Variants in CDON observed in about 807,000 individuals in gnomAD.
The protein encoded by CDON is cell adhesion associated, oncogene regulated.
A neutral mutation model predicts 120.9 loss-of-function variants in CDON; 73 were observed. That is an observed-to-expected ratio of 0.60 (90% CI 0.50 to 0.73). CDON has a LOEUF of 0.73. Among genes scored for constraint, CDON ranks in the 30% least tolerant of loss-of-function variants. The pLI is 0.00. For synonymous variants in CDON, 566 were observed against 573.5 expected, an observed-to-expected ratio of 0.99 and a Z score of 0.19; for missense variants, 1,470 against 1,587.3, an observed-to-expected ratio of 0.93 and a Z score of 1.26.
At position 125,984,174 on chromosome 11, in the gene CDON, G is replaced by T. The variant is rs1591565555; in HGVS notation, c.2774-81C>A. ...TGGTTTACTCTCTGAAGGAGGTCTG[G>T]TTAGGAATGCAAGCCAGTCTGTTTA... On this transcript the variant is annotated intron_variant, in intron 15 of 19. Coordinates refer to ENST00000531738, the MANE Select transcript of CDON (RefSeq NM_001378964.1). 8 of 973,178 alleles carry T rather than the reference G, an allele frequency of 8.2e-6. No individual in the cohort carries two copies. In the East Asian group the frequency reaches 1.5e-4, roughly 18 times the overall value. The allele number at this position is 973,178 out of a possible 1,614,324, so 60.3% of individuals were successfully genotyped here.
At chr11:126,005,145 C>CA (rs1427635990) in intron 9 of CDON, among the ~76,000 whole-genome samples, 5 of 151,974 alleles carry the variant, frequency 3.3e-5, no homozygotes, top group South Asian at 4.2e-4. Context: ...ACTAAAAATA[C>CA]AAAAAAATTA....
At chr11:125,998,302 G>A (rs902618276) in intron 11 of CDON, among the ~76,000 whole-genome samples, 10 of 152,114 alleles carry the variant, frequency 6.6e-5, no homozygotes, top group African/African-American at 2.4e-4. Context: ...GTTGGAGGTG[G>A]GGCCTGGTGA....
intron 3 of CDON, among the ~76,000 whole-genome samples, chr11:126,020,034 G>A (rs1947589068): frequency 6.6e-6 from 1 of 151,762 alleles, no homozygotes; most frequent in Admixed American, 6.6e-5. Flanking sequence ...CTGGGTAACA[G>A]AGTGAGACCC....
intron 1 of CDON, among the ~76,000 whole-genome samples, chr11:126,036,381 G>C (rs1186453743): frequency 6.6e-6 from 1 of 152,098 alleles, no homozygotes; most frequent in Non-Finnish European, 1.5e-5. Flanking sequence ...AATTTTAAAA[G>C]GACTCCAAAT....
In CDON at chr11:126,055,487, A is replaced by G. The variant is rs573482427; in HGVS notation, c.-62+7092T>C. On this transcript the variant is annotated intron_variant, in intron 1 of 19. Coordinates refer to ENST00000531738, the MANE Select transcript of CDON (RefSeq NM_001378964.1). ...ATATCAGTGATTAACATAAAGTACT[A>G]TATTTACAGATACAAGATGTGTACA... Among the ~76,000 whole-genome samples, 26 of 152,346 alleles carry G rather than the reference A, an allele frequency of 1.7e-4. No individual in the cohort carries two copies. The South Asian group carries it at 4.8e-3, about 28-fold the overall frequency.
chr11:125,987,113 T>C (rs1946490012), intron 15 of CDON, among the ~76,000 whole-genome samples: 1 of 152,244 alleles, frequency 6.6e-6, no homozygotes, highest in African/African-American at 2.4e-5. Flanking sequence ...ACTCTTTCTT[T>C]ATTCTTAATT....
chr11:125,988,502 A>G (rs1946531211), intron 15 of CDON, among the ~76,000 whole-genome samples: 1 of 152,176 alleles, frequency 6.6e-6, no homozygotes, highest in African/African-American at 2.4e-5. Context: ...CAGCCTCCTG[A>G]ACTAACAACG....
intron 18 of CDON, among the ~76,000 whole-genome samples, chr11:125,969,384 T>A (rs1418804964): frequency 6.6e-6 from 1 of 152,228 alleles, no homozygotes; most frequent in Non-Finnish European, 1.5e-5. Context: ...TGTACATATG[T>A]AAACTTAAGA....
chr11:125,971,382 C>CTAAATAAATAAATAAA (rs374833815), intron 18 of CDON, among the ~76,000 whole-genome samples: 6,836 of 103,114 alleles, frequency 0.066, 204 homozygotes, highest in Non-Finnish European at 0.09. Flanking sequence ...GACTCTGTCT[C>CTAAATAAATAAATAAA]TAAATAAATA....
intron 19 of CDON, 133 bp from the exon 20 acceptor site, chr11:125,961,238 G>A: frequency 2.4e-6 from 2 of 837,998 alleles, no homozygotes; most frequent in Non-Finnish European, 3.9e-6. Flanking sequence ...GTTTGTGTGT[G>A]GTTTGAATTT....
intron 1 of CDON, among the ~76,000 whole-genome samples, chr11:126,048,308 G>C (rs377436347): frequency 1.4e-5 from 2 of 144,328 alleles, no homozygotes; most frequent in African/African-American, 5.3e-5. Flanking sequence ...AAAAGAAATG[G>C]TCTTCTTCAG....
intron 18 of CDON, among the ~76,000 whole-genome samples, chr11:125,966,882 A>G (rs955065509): frequency 5.3e-5 from 8 of 152,130 alleles, no homozygotes; most frequent in African/African-American, 1.9e-4. Context: ...TAAAAAAAAA[A>G]AGAAAAAACC....
rs1227727730 is a variant in CDON, at chr11:125,992,078, CAGAT to C, written c.2650+2202_2650+2205del. Among the ~76,000 whole-genome samples, 4 of 152,244 alleles carry C rather than the reference CAGAT, an allele frequency of 2.6e-5. No individual in the cohort carries two copies. The East Asian group carries it at 7.7e-4, about 29-fold the overall frequency. ...AGAGAGAAAAACAGAGAGACAAAGACAGATACTCATTTTATTTACATGTCTTGTT... is the reference window on the plus strand; with the variant it reads ...AGAGAGAAAAACAGAGAGACAAAGACACTCATTTTATTTACATGTCTTGTT... On this transcript the variant is annotated intron_variant, in intron 14 of 19. Coordinates refer to ENST00000531738, the MANE Select transcript of CDON (RefSeq NM_001378964.1).
chr11:125,981,205 G>A lies in CDON; in HGVS notation c.3120C>T (p.Gly1040=), dbSNP rs200405251. The change falls in exon 17 of 20, where the codon GGC becomes GGT. Residue 1040 remains glycine (G), a synonymous_variant. Transcript: ENST00000531738. The part of the protein sequence containing the change: ...GNVHGGFLTN[G]GLSSGYSHLH... ...GGTGGGAATAGCCACTGCTGAGACCGCCATTGGTTAGGAAGCCTCCGTGAA... is the reference window on the plus strand; with the variant it reads ...GGTGGGAATAGCCACTGCTGAGACCACCATTGGTTAGGAAGCCTCCGTGAA... 3.5e-5 allele frequency: 57 copies of A among 1,614,158 alleles called. No homozygotes were observed. In the Admixed American group the frequency reaches 6.7e-4, roughly 19 times the overall value.
At chr11:126,056,771 C>G (rs1948691105) in intron 1 of CDON, among the ~76,000 whole-genome samples, 1 of 152,144 alleles carries the variant, frequency 6.6e-6, no homozygotes. Context: ...GGTTAGTGGC[C>G]AAAACTCTTC....
chr11:126,030,342 G>GC (rs1947910413), intron 1 of CDON, among the ~76,000 whole-genome samples: 1 of 152,168 alleles, frequency 6.6e-6, no homozygotes, highest in African/African-American at 2.4e-5. Context: ...TGATTACTTT[G>GC]TTTTTGAAGC....
intron 1 of CDON, among the ~76,000 whole-genome samples, chr11:126,056,754 G>C (rs1948690738): frequency 6.6e-6 from 1 of 152,178 alleles, no homozygotes; most frequent in Admixed American, 6.5e-5. Context: ...GACCACAATT[G>C]TTAATAGGTT....
rs544650738 is a variant in CDON at position 126,029,188 on chromosome 11, C to T, written c.-61-5651G>A. On this transcript the variant is annotated intron_variant, in intron 1 of 19. Coordinates refer to ENST00000531738, the MANE Select transcript of CDON (RefSeq NM_001378964.1). ...ACTTGCTAAGGCATAAAGCAACTTT[C>T]ACTCTCTATTAGGGATTTTTTTAAA... 4.5e-4 allele frequency among the ~76,000 whole-genome samples: 69 copies of T among 152,260 alleles called. No individual in the cohort carries two copies. In the South Asian group the frequency reaches 0.014, roughly 31 times the overall value.
chr11:125,961,918 C>A lies in CDON; in HGVS notation c.3437G>T (p.Gly1146Val). The change falls in exon 19 of 20, where the codon GGT becomes GTT. Residue 1146 changes from glycine to valine, a missense_variant. Coordinates refer to ENST00000531738, the MANE Select transcript of CDON (RefSeq NM_001378964.1). ...VPVVAPYPQD[G>V]LEMKPLSHVK... ...GTGACTGAGGGGCTTCATTTCCAAA[C>A]CATCCTGAGGATAAGGTGCTACCAC... The A allele has an allele frequency of 6.2e-7, 1 of 1,614,230 alleles. No individual in the cohort carries two copies. Among genetic ancestry groups the A allele is most frequent in the Non-Finnish European group, 8.5e-7 (1 of 1,180,042 alleles).
Sources: gnomAD v4.1 joint callset for allele counts (sites outside exome capture counted in the v4.1 genomes callset) on GRCh38, gnomAD v4.1.1 for gene constraint, MANE v1.5 for transcripts, NCBI Gene and HGNC (gene_info 2026-07-23, HGNC 2026-07-21) for gene names.